Variants in RTN4 observed in about 807,000 individuals in gnomAD.
The protein encoded by RTN4 is reticulon-4.
Under a neutral mutation model 90.4 loss-of-function variants are expected in RTN4, and 32 were observed. The observed-to-expected ratio is 0.35, with a 90% CI of 0.27 to 0.48. The LOEUF (loss-of-function observed/expected upper bound fraction) is 0.48, where lower values mean the gene tolerates loss of function less well. Ranked by LOEUF, RTN4 falls within the 20% of genes least tolerant of loss-of-function variation. The pLI is 0.99. For missense variants in RTN4, 1,706 were observed against 1,430.2 expected, an observed-to-expected ratio of 1.19 and a Z score of -3.11; for synonymous variants, 629 against 552.5, an observed-to-expected ratio of 1.14 and a Z score of -1.94.
Position 55,035,779 on chromosome 2 carries a change from G to A in RTN4, c.557-7559C>T, listed in dbSNP as rs549430845. ...GACTGTTACTGTAGGTCCTAAAAAC[G>A]TAAGAGAATATTATGCACACATTTA... On this transcript the variant is annotated intron_variant, in intron 1 of 8. Transcript: ENST00000337526. 8.5e-5 allele frequency among the ~76,000 whole-genome samples: 13 copies of A among 152,178 alleles called. No homozygotes were observed. The South Asian group carries it at 1.5e-3, about 17-fold the overall frequency.
chr2:55,114,931 T>C (rs182427108), upstream of RTN4, among the ~76,000 whole-genome samples: 43 of 152,212 alleles, frequency 2.8e-4, 1 homozygote, highest in Non-Finnish European at 5.9e-4. Context: ...TAGAGGTATT[T>C]ATTAACTGTT....
intron 3 of RTN4, among the ~76,000 whole-genome samples, chr2:54,991,718 T>A (rs1679026709): frequency 6.6e-6 from 1 of 152,216 alleles, no homozygotes; most frequent in Non-Finnish European, 1.5e-5. Flanking sequence ...CCTTTTTAGA[T>A]CTAGATTTTT....
chr2:55,075,641 T>G (rs1329011568), intron 2 of RTN4, among the ~76,000 whole-genome samples: 1 of 152,180 alleles, frequency 6.6e-6, no homozygotes, highest in African/African-American at 2.4e-5. Flanking sequence ...AAATCAAGAT[T>G]AAGCAAAAAG....
At chr2:55,137,435 T>C in the RTN4 span, among the ~76,000 whole-genome samples, 1 of 152,302 alleles carries the variant, frequency 6.6e-6, no homozygotes, top group Admixed American at 6.5e-5. Flanking sequence ...AACGAATACC[T>C]GGACCACGTC....
At chr2:55,107,530 C>T (rs997471247) in intron 1 of RTN4, among the ~76,000 whole-genome samples, 2 of 151,816 alleles carry the variant, frequency 1.3e-5, no homozygotes, top group African/African-American at 4.9e-5. Flanking sequence ...TATGAGACTG[C>T]CTGGCTGGTA....
chr2:54,978,143 T>C (rs1031657099), intron 5 of RTN4, among the ~76,000 whole-genome samples: 1 of 152,152 alleles, frequency 6.6e-6, no homozygotes, highest in Non-Finnish European at 1.5e-5. Flanking sequence ...ATAGTCATAA[T>C]TGTAGGCTGG....
intron 1 of RTN4, among the ~76,000 whole-genome samples, chr2:55,104,475 C>T (rs971143991): frequency 1.3e-5 from 2 of 151,890 alleles, no homozygotes; most frequent in Admixed American, 1.3e-4. Flanking sequence ...TTCAGCCTCC[C>T]GAGTATCTGG....
At chr2:55,092,411 T>C (rs1435319613) in intron 1 of RTN4, among the ~76,000 whole-genome samples, 1 of 151,874 alleles carries the variant, frequency 6.6e-6, no homozygotes, top group African/African-American at 2.4e-5. Context: ...AATTTTGTAT[T>C]TTTAGTAGAG....
In RTN4 at chr2:55,026,719, T is replaced by C. The variant is rs1454224919; in HGVS notation, c.1380A>G (p.Ala460=). The C allele has an allele frequency of 4.5e-5, 73 of 1,613,842 alleles. No homozygotes were observed. The Admixed American group carries it at 1.1e-3, about 25-fold the overall frequency. The change falls in exon 3 of 9, where the codon GCA becomes GCG. Residue 460 remains alanine, a synonymous_variant. Transcript: ENST00000337526. ...GGTTAAAGGGAGCACATGTGATATA[T>C]GCTCCTGAACGATCCTTTATACCTT... ...TPEGIKDRSG[A]YITCAPFNPA...
At chr2:55,081,827 C>T (rs183619153) in intron 1 of RTN4, among the ~76,000 whole-genome samples, 2 of 145,896 alleles carry the variant, frequency 1.4e-5, no homozygotes, top group East Asian at 4.1e-4. Flanking sequence ...CATACCACTG[C>T]ACTCCAGCCT....
intron 1 of RTN4, among the ~76,000 whole-genome samples, chr2:55,093,404 T>A (rs202077776): frequency 6.8e-6 from 1 of 147,280 alleles, no homozygotes; most frequent in Non-Finnish European, 1.5e-5. Flanking sequence ...TTAATTTATT[T>A]TATATATATA....
At chr2:55,092,765 C>T (rs1022638730) in intron 1 of RTN4, among the ~76,000 whole-genome samples, 1 of 152,170 alleles carries the variant, frequency 6.6e-6, no homozygotes, top group African/African-American at 2.4e-5. Flanking sequence ...TGTAGATGCC[C>T]TTTTCCAATT....
At chr2:54,973,530 C>G (rs368689928) in intron 8 of RTN4, 33 bp downstream of exon 8, 2 of 1,499,932 alleles carry the variant, frequency 1.3e-6, no homozygotes, top group African/African-American at 1.4e-5. Context: ...ACACCTTATC[C>G]TAGTAAAAAC....
At chr2:55,007,114 T>C (rs1054609615) in intron 3 of RTN4, among the ~76,000 whole-genome samples, 4 of 152,154 alleles carry the variant, frequency 2.6e-5, no homozygotes, top group African/African-American at 9.6e-5. Flanking sequence ...AGGACTGTCA[T>C]TGCCAATATT....
At chr2:55,035,971 G>C (rs1682650130) in intron 1 of RTN4, among the ~76,000 whole-genome samples, 1 of 151,972 alleles carries the variant, frequency 6.6e-6, no homozygotes, top group African/African-American at 2.4e-5. Context: ...AATCAGAATA[G>C]TCCTATGTGA....
chr2:55,128,660 CA>C, the RTN4 span, among the ~76,000 whole-genome samples: 1 of 152,082 alleles, frequency 6.6e-6, no homozygotes, highest in African/African-American at 2.4e-5. Context: ...GGCAACATAG[CA>C]ACTCACAATT....
chr2:55,122,125 G>C, the RTN4 span, among the ~76,000 whole-genome samples: 1 of 151,826 alleles, frequency 6.6e-6, no homozygotes, highest in African/African-American at 2.4e-5. Flanking sequence ...AGCCCCACAG[G>C]TAGGGGCCCC....
In RTN4 at chr2:54,973,652, G is replaced by T. The variant is rs199588034; in HGVS notation, c.3478-31C>A. On this transcript the variant is annotated intron_variant, in intron 7 of 8. Coordinates refer to ENST00000337526, the MANE Select transcript of RTN4 (RefSeq NM_020532.5). Reference sequence around the variant, plus strand: ...AGAGAGGTATAAAGGAATTATTACCGTTGCTAAAGAATCTTATTAACCACT... The same window carrying T: ...AGAGAGGTATAAAGGAATTATTACCTTTGCTAAAGAATCTTATTAACCACT... The T allele has an allele frequency of 4.5e-6, 7 of 1,571,488 alleles. No homozygotes were observed. In the South Asian group the frequency reaches 7.8e-5, roughly 17 times the overall value.
chr2:55,046,053 A>G (rs1683401250), intron 1 of RTN4, among the ~76,000 whole-genome samples: 1 of 152,158 alleles, frequency 6.6e-6, no homozygotes. Flanking sequence ...TAAAATTACA[A>G]CTTATTAACA....
Sources: gnomAD v4.1 joint callset for allele counts (sites outside exome capture counted in the v4.1 genomes callset) on GRCh38, gnomAD v4.1.1 for gene constraint, MANE v1.5 for transcripts, NCBI Gene and HGNC (gene_info 2026-07-23, HGNC 2026-07-21) for gene names.